RORA: variants seen among roughly 807,000 people sequenced by gnomAD.
The protein encoded by RORA is nuclear receptor ROR-alpha.
A neutral mutation model predicts 69.5 loss-of-function variants in RORA; 7 were observed. The observed-to-expected ratio is 0.10, with a 90% CI of 0.06 to 0.19. The LOEUF (loss-of-function observed/expected upper bound fraction) is 0.19, where lower values mean the gene tolerates loss of function less well. Ranked by LOEUF, RORA falls within the 10% of genes least tolerant of loss-of-function variation. RORA has a pLI of 1.00. For synonymous variants in RORA, 261 were observed against 240.8 expected (o/e 1.08, Z -0.78); for missense variants, 457 against 663.0 (o/e 0.69, Z 3.41).
At chr15:60,796,253 G>A (rs1300568229) in intron 1 of RORA, among the ~76,000 whole-genome samples, 1 of 152,080 alleles carries the variant, frequency 6.6e-6, no homozygotes, top group African/African-American at 2.4e-5. Flanking sequence ...GAACAGGCTT[G>A]AGCTCAAGAG....
intron 1 of RORA, among the ~76,000 whole-genome samples, chr15:60,868,179 C>T (rs1351425824): frequency 6.6e-6 from 1 of 152,204 alleles, no homozygotes; most frequent in African/African-American, 2.4e-5. Context: ...AGACACATTA[C>T]ACCTTATAGA....
At chr15:61,164,979 C>T (rs1295705161) in intron 1 of RORA, among the ~76,000 whole-genome samples, 14 of 152,100 alleles carry the variant, frequency 9.2e-5, no homozygotes, top group Admixed American at 9.2e-4. Flanking sequence ...CCCAAAGCAC[C>T]CTTCACCCTG....
chr15:60,558,438 T>G, intron 2 of RORA: 1 of 584,158 alleles, frequency 1.7e-6, no homozygotes, highest in Non-Finnish European at 3.1e-6. Context: ...ATAGATCTCA[T>G]ACACCAGAAT....
intron 1 of RORA, among the ~76,000 whole-genome samples, chr15:60,898,524 TA>T (rs1555461070): frequency 6.7e-6 from 1 of 150,202 alleles, no homozygotes; most frequent in Non-Finnish European, 1.5e-5. Context: ...AATAAATAAA[TA>T]AATAAATAAA....
chr15:60,556,137 T>C (rs1297630529), intron 2 of RORA, among the ~76,000 whole-genome samples: 2 of 108,730 alleles, frequency 1.8e-5, no homozygotes, highest in Non-Finnish European at 4.4e-5. Context: ...TCACTCTCTG[T>C]AAATGCAAAA....
intron 1 of RORA, among the ~76,000 whole-genome samples, chr15:60,983,185 ACATGTTT>A (rs533024535): frequency 7.2e-4 from 110 of 152,288 alleles, no homozygotes; most frequent in African/African-American, 2.6e-3. Context: ...GAGTGGTTGG[ACATGTTT>A]CATTATACTC....
chr15:60,491,019 C>A lies in RORA; in HGVS notation c.*6436G>T, dbSNP rs1455900407. 1.3e-5 allele frequency: 2 copies of A among 152,120 alleles called. No homozygotes were observed. The highest frequency in any genetic ancestry group is 2.1e-4 in the South Asian group (1 of 4,832). 9.4% of individuals were successfully genotyped at this position (152,120 alleles called of 1,614,324 possible). On this transcript the variant is annotated 3_prime_UTR_variant, in exon 11 of 11. Coordinates refer to ENST00000335670, the MANE Select transcript of RORA (RefSeq NM_134261.3). ...CAGGTACATTTATAGAAGCAGCCAG[C>A]TAATGTCCTAATGTTTAAAAATTTA...
intron 2 of RORA, among the ~76,000 whole-genome samples, chr15:60,575,288 G>A (rs1363763857): frequency 1.3e-5 from 2 of 152,086 alleles, no homozygotes; most frequent in African/African-American, 4.8e-5. Context: ...AAAGCCAATG[G>A]CTATAAAGCA....
chr15:60,719,010 T>TAATC (rs932204399), intron 1 of RORA, among the ~76,000 whole-genome samples: 1 of 130,722 alleles, frequency 7.6e-6, no homozygotes, highest in Non-Finnish European at 1.6e-5. Context: ...TTTAAAAAGA[T>TAATC]AATCAATCAG....
intron 1 of RORA, among the ~76,000 whole-genome samples, chr15:61,122,840 C>T (rs778114310): frequency 6.6e-6 from 1 of 152,160 alleles, no homozygotes; most frequent in Non-Finnish European, 1.5e-5. Context: ...TCTGCCCACA[C>T]CCCAGATAAG....
At position 61,023,419 on chromosome 15, in the gene RORA, G is replaced by T. The variant is rs530029503; in HGVS notation, c.166+205634C>A. Among the ~76,000 whole-genome samples the T allele has an allele frequency of 1.3e-4, 20 of 152,288 alleles. 2 individuals are homozygous for T. In the East Asian group the frequency reaches 3.3e-3, roughly 25 times the overall value. ...GCAGAAAGTCCTGATAAACCCATCA[G>T]ATCTCATGAGACTTATTCACTACCA... is the stretch of plus-strand genomic sequence containing the variant. On this transcript the variant is annotated intron_variant, in intron 1 of 10. Transcript: ENST00000335670.
In RORA at chr15:61,136,047, T is replaced by C. The variant is rs538311095; in HGVS notation, c.166+93006A>G. On this transcript the variant is annotated intron_variant, in intron 1 of 10. Coordinates refer to ENST00000335670, the MANE Select transcript of RORA (RefSeq NM_134261.3). ...GTATTTGTTTGAACATCTTTGTTTA[T>C]CACTTGTCTTCCTTTTTAGGTATCG... 6.2e-4 allele frequency among the ~76,000 whole-genome samples: 95 copies of C among 152,336 alleles called. 2 individuals are homozygous for C. The South Asian group carries it at 0.019, about 31-fold the overall frequency.
chr15:60,671,802 G>C (rs2070477799), intron 2 of RORA, among the ~76,000 whole-genome samples: 1 of 151,594 alleles, frequency 6.6e-6, no homozygotes, highest in South Asian at 2.1e-4. Context: ...AGTAGCGATG[G>C]AGTTTCACCA....
intron 1 of RORA, among the ~76,000 whole-genome samples, chr15:61,214,650 C>T (rs1416433505): frequency 6.6e-6 from 1 of 152,118 alleles, no homozygotes; most frequent in South Asian, 2.1e-4. Flanking sequence ...CTTCTAGATG[C>T]TGTGGTGGCA....
chr15:60,997,625 T>C (rs554927211), intron 1 of RORA, among the ~76,000 whole-genome samples: 115 of 152,310 alleles, frequency 7.6e-4, no homozygotes, highest in African/African-American at 2.7e-3. Flanking sequence ...AATACTCACA[T>C]TTATCTTCTT....
At chr15:60,962,407 T>TA (rs1889030577) in intron 1 of RORA, among the ~76,000 whole-genome samples, 2 of 152,314 alleles carry the variant, frequency 1.3e-5, no homozygotes, top group Admixed American at 1.3e-4. Flanking sequence ...AACCAAGTAC[T>TA]AAGAAGGTTC....
chr15:61,210,602 GA>G (rs2079982512), intron 1 of RORA, among the ~76,000 whole-genome samples: 1 of 152,170 alleles, frequency 6.6e-6, no homozygotes, highest in Non-Finnish European at 1.5e-5. Context: ...AGAAAGGACA[GA>G]AGTATGTCAA....
intron 2 of RORA, among the ~76,000 whole-genome samples, chr15:60,604,322 G>A (rs2068895257): frequency 6.6e-6 from 1 of 152,088 alleles, no homozygotes; most frequent in South Asian, 2.1e-4. Flanking sequence ...CGCATACCCA[G>A]TGTTGATTTT....
At chr15:61,071,255 G>A (rs1259005452) in intron 1 of RORA, among the ~76,000 whole-genome samples, 1 of 530 alleles carries the variant, frequency 1.9e-3, no homozygotes, top group African/African-American at 8.2e-3. Context: ...AGGGAATGGA[G>A]GGGAGGGGAG....
Sources: gnomAD v4.1 joint callset for allele counts (sites outside exome capture counted in the v4.1 genomes callset) on GRCh38, gnomAD v4.1.1 for gene constraint, MANE v1.5 for transcripts, NCBI Gene and HGNC (gene_info 2026-07-23, HGNC 2026-07-21) for gene names.